The following ADGRF1 variants were observed in gnomAD, a reference collection of about 807,000 sequenced individuals.
The protein encoded by ADGRF1 is G protein-coupled receptor 110.
Under a neutral mutation model 87.2 loss-of-function variants are expected in ADGRF1, and 85 were observed. That is an observed-to-expected ratio of 0.97 (90% CI 0.82 to 1.17). The LOEUF is 1.17. Ranked by LOEUF, ADGRF1 falls within the 50% of genes most tolerant of loss-of-function variation. The pLI, the probability that ADGRF1 is intolerant of heterozygous loss-of-function variation, is 0.00. For missense variants in ADGRF1, 1,169 were observed against 1,077.2 expected (o/e 1.09, Z -1.19); for synonymous variants, 430 against 408.8 (o/e 1.05, Z -0.63).
At chr6:47,033,040 G>A (rs186569191) in intron 1 of ADGRF1, among the ~76,000 whole-genome samples, 16 of 152,280 alleles carry the variant, frequency 1.1e-4, no homozygotes, top group South Asian at 4.1e-4. Flanking sequence ...CTTCCAAGCC[G>A]GAATGGTCCT....
intron 12 of ADGRF1, 152 bp from the exon 13 acceptor site, chr6:47,006,028 T>C (rs1242793796): frequency 5.6e-6 from 3 of 535,194 alleles, no homozygotes; most frequent in Admixed American, 7.4e-5. Flanking sequence ...GAAAGATTAT[T>C]TTCTTCATCT....
intron 8 of ADGRF1, among the ~76,000 whole-genome samples, chr6:47,015,566 A>G (rs1283889538): frequency 1.4e-5 from 2 of 138,764 alleles, no homozygotes; most frequent in Non-Finnish European, 3.0e-5. Context: ...GCACACCACG[A>G]TGCCTGGCTA....
chr6:47,014,684 G>T lies in ADGRF1; in HGVS notation c.924C>A (p.Asn308Lys), dbSNP rs1298558139. The T allele has an allele frequency of 1.9e-6, 3 of 1,612,994 alleles. No homozygotes were observed. The highest frequency in any genetic ancestry group is 2.2e-5 in the East Asian group (1 of 44,624). The change falls in exon 9 of 15, where the codon AAC becomes AAA. Residue 308 changes from asparagine to lysine, a missense_variant. Transcript: ENST00000371253. ...TCVLSLLEEL[N>K]KNFSMIVGNA... ...CTACACAGTGAAAATGCCTCACCTT[G>T]TTCAGTTCTTCAAGCAGAGAGAGCA...
chr6:47,026,104 T>A (rs1780226331), intron 3 of ADGRF1, 101 bp from the exon 4 acceptor site: 1 of 978,828 alleles, frequency 1.0e-6, no homozygotes, highest in African/African-American at 1.6e-5. Flanking sequence ...GGTCAGGGAC[T>A]CTACCATGCT....
chr6:47,042,061 T>A (rs1323808733), intron 1 of ADGRF1, 130 bp downstream of exon 1: 12 of 152,152 alleles, frequency 7.9e-5, no homozygotes, highest in Admixed American at 7.9e-4. Context: ...TATTTAACCA[T>A]CTTCAGGAAA....
intron 7 of ADGRF1, 138 bp downstream of exon 7, chr6:47,020,593 T>C: frequency 3.9e-6 from 6 of 1,527,840 alleles, no homozygotes; most frequent in Non-Finnish European, 5.3e-6. Flanking sequence ...CAGATCCTTG[T>C]TCACTTAGTA....
intron 4 of ADGRF1, among the ~76,000 whole-genome samples, chr6:47,025,416 C>T (rs966825949): frequency 6.6e-6 from 1 of 152,206 alleles, no homozygotes; most frequent in Non-Finnish European, 1.5e-5. Flanking sequence ...CTGAATCCCA[C>T]CTTTGTGCTT....
intron 13 of ADGRF1, among the ~76,000 whole-genome samples, chr6:47,003,412 C>G (rs1005975453): frequency 5.9e-5 from 9 of 152,076 alleles, no homozygotes; most frequent in Admixed American, 1.3e-4. Context: ...TAGAAAATTC[C>G]CTTCCCTTTC....
intron 12 of ADGRF1, among the ~76,000 whole-genome samples, chr6:47,006,447 T>G (rs1779532604): frequency 8.0e-6 from 1 of 124,354 alleles, no homozygotes; most frequent in Non-Finnish European, 1.9e-5. Context: ...TTAAACTTAC[T>G]GTTCTTCACT....
chr6:47,027,985 T>C (rs1238426969), intron 2 of ADGRF1, among the ~76,000 whole-genome samples: 1 of 151,934 alleles, frequency 6.6e-6, no homozygotes, highest in Non-Finnish European at 1.5e-5. Context: ...CCAGAGCCGC[T>C]GAGAGAGGAG....
At chr6:47,019,016 G>A (rs915236095) in intron 7 of ADGRF1, 1 of 161,168 alleles carries the variant, frequency 6.2e-6, no homozygotes, top group Non-Finnish European at 1.4e-5. Flanking sequence ...CAAGGCTGCA[G>A]TGAACTGAGA....
chr6:47,034,799 C>G (rs1380697862), intron 1 of ADGRF1, among the ~76,000 whole-genome samples: 1 of 152,052 alleles, frequency 6.6e-6, no homozygotes, highest in African/African-American at 2.4e-5. Context: ...AGTTTGTGAC[C>G]CTACCTCCAA....
chr6:47,001,449 C>T (rs750823930), intron 14 of ADGRF1, 52 bp downstream of exon 14: 24 of 1,377,142 alleles, frequency 1.7e-5, no homozygotes, highest in Admixed American at 1.6e-4. Flanking sequence ...ATATGATATA[C>T]TCATATACTC....
intron 9 of ADGRF1, chr6:47,014,211 A>G (rs1300734728): frequency 7.1e-6 from 7 of 979,276 alleles, no homozygotes; most frequent in Non-Finnish European, 8.5e-6. Context: ...GATGCCCCTT[A>G]AGGTCCATTG....
rs66819789 is a variant in ADGRF1, at chr6:47,040,488, TAA to T, written c.-44+1701_-44+1702del. Among the ~76,000 whole-genome samples, 143 of 149,992 alleles carry T rather than the reference TAA, an allele frequency of 9.5e-4. 2 individuals are homozygous for T. Among genetic ancestry groups the T allele is most frequent in the African/African-American group, 3.2e-3 (132 of 40,824 alleles). On this transcript the variant is annotated intron_variant, in intron 1 of 14. Coordinates refer to ENST00000371253, the MANE Select transcript of ADGRF1 (RefSeq NM_153840.4). ...CTCCGTCTCAAAAAATAAAATAAAA[TAA>T]AAAAAAAAACAGGCAAAATATTTTG... is the stretch of plus-strand genomic sequence containing the variant.
intron 1 of ADGRF1, among the ~76,000 whole-genome samples, chr6:47,035,694 G>A (rs1022060509): frequency 1.3e-5 from 2 of 152,176 alleles, no homozygotes; most frequent in East Asian, 1.9e-4. Flanking sequence ...GTTGCTTGGG[G>A]CATGATTTTA....
rs1250523516 is a variant in ADGRF1, at chr6:47,009,157, C to G, written c.2278G>C (p.Val760Leu). 2 of 1,614,166 alleles carry G rather than the reference C, an allele frequency of 1.2e-6. No homozygotes were observed. Among genetic ancestry groups the G allele is most frequent in the East Asian group, 2.2e-5 (1 of 44,878 alleles). ...TTTGTGAGAACTAGCAGCACCACAA[C>G]GAAGTTCACAGCCACAATAGCCAGT... ...PALAIVAVNF[V>L]VVLLVLTKLW... Residue 760 changes from valine to leucine, a missense_variant, in exon 11 of 15, where the codon GTT becomes CTT. By Grantham distance (32) the Val-to-Leu change is conservative (BLOSUM62 1). Coordinates refer to ENST00000371253, the MANE Select transcript of ADGRF1 (RefSeq NM_153840.4).
chr6:47,032,610 C>G (rs937044269), intron 1 of ADGRF1, among the ~76,000 whole-genome samples: 1 of 152,102 alleles, frequency 6.6e-6, no homozygotes, highest in African/African-American at 2.4e-5. Context: ...AACTGGATGC[C>G]CTTTGGAATT....
At chr6:47,020,847 A>G in intron 6 of ADGRF1, 58 bp from the exon 7 acceptor site, 1 of 1,383,136 alleles carries the variant, frequency 7.2e-7, no homozygotes, top group Non-Finnish European at 1.0e-6. Flanking sequence ...TCAGAAAGAC[A>G]TTTGAGCAAA....
Sources: allele counts gnomAD v4.1 joint callset (sites outside exome capture counted in the v4.1 genomes callset), GRCh38; gene constraint gnomAD v4.1.1; transcripts MANE v1.5; gene names NCBI Gene and HGNC (gene_info 2026-07-23, HGNC 2026-07-21).